ARHGAP32: variants seen among roughly 807,000 people sequenced by gnomAD.
The protein encoded by ARHGAP32 is Rho GTPase activating protein 32, also known as rho GTPase-activating protein 32.
In ARHGAP32, 51 loss-of-function variants were observed where a neutral mutation model predicts 186.5. The ratio of observed to expected loss-of-function variants is 0.27; its 90% CI spans 0.22 to 0.35. ARHGAP32 has a LOEUF of 0.35. Ranked by LOEUF, ARHGAP32 falls within the 10% of genes least tolerant of loss-of-function variation. The pLI, the probability that ARHGAP32 is intolerant of heterozygous loss-of-function variation, is 1.00. For missense variants in ARHGAP32, 2,186 were observed against 2,623.5 expected (o/e 0.83, Z 3.64); for synonymous variants, 950 against 964.3 (o/e 0.99, Z 0.27).
intron 2 of ARHGAP32, among the ~76,000 whole-genome samples, chr11:129,136,255 C>A (rs184369500): frequency 6.6e-6 from 1 of 152,076 alleles, no homozygotes; most frequent in Non-Finnish European, 1.5e-5. Context: ...ATAAGGCCCA[C>A]GTAAGATTCT....
intron 11 of ARHGAP32, among the ~76,000 whole-genome samples, chr11:129,027,356 A>C (rs1938904448): frequency 6.6e-6 from 1 of 152,104 alleles, no homozygotes; most frequent in Non-Finnish European, 1.5e-5. Context: ...GAACCAAACA[A>C]AAACTGCTCA....
chr11:128,998,247 A>G (rs1164896544), intron 12 of ARHGAP32, 72 bp downstream of exon 12: 1 of 1,265,304 alleles, frequency 7.9e-7, no homozygotes, highest in Non-Finnish European at 1.1e-6. Flanking sequence ...AATCTACTCC[A>G]TAATTGGTTA....
intron 6 of ARHGAP32, among the ~76,000 whole-genome samples, chr11:129,074,383 T>C (rs1591591228): frequency 6.6e-6 from 1 of 152,182 alleles, no homozygotes; most frequent in African/African-American, 2.4e-5. Context: ...TTACAAATAA[T>C]TTTTATTACA....
intron 11 of ARHGAP32, among the ~76,000 whole-genome samples, chr11:129,029,755 T>G (rs919613894): frequency 1.7e-5 from 2 of 120,672 alleles, no homozygotes; most frequent in Admixed American, 1.1e-4. Flanking sequence ...TGAGCCGAGA[T>G]CGCACCACTG....
chr11:129,110,982 G>C (rs915620936), intron 5 of ARHGAP32, among the ~76,000 whole-genome samples: 2 of 152,122 alleles, frequency 1.3e-5, no homozygotes, highest in Non-Finnish European at 2.9e-5. Flanking sequence ...GAGTGGAAAA[G>C]TTGGCATCCT....
rs1939499527 is a variant in ARHGAP32, at chr11:129,039,493, T to A, written c.1045+1435A>T. On this transcript the variant is annotated intron_variant, in intron 11 of 22. Coordinates refer to ENST00000682385, the MANE Select transcript of ARHGAP32 (RefSeq NM_001378024.1). ...CACAAAAGACCACACATTATATGAT[T>A]CCATTTATACAAAATGTCCAGAATA... Among the ~76,000 whole-genome samples, 3 of 152,180 alleles carry A rather than the reference T, an allele frequency of 2.0e-5. No homozygotes were observed. In the South Asian group the frequency reaches 6.2e-4, roughly 32 times the overall value.
At chr11:129,081,973 T>C (rs1045111846) in intron 6 of ARHGAP32, among the ~76,000 whole-genome samples, 3 of 151,982 alleles carry the variant, frequency 2.0e-5, no homozygotes, top group East Asian at 1.9e-4. Context: ...AAGCTGAGAA[T>C]ACAATCAAGA....
At chr11:129,077,396 C>T (rs952155340) in intron 6 of ARHGAP32, among the ~76,000 whole-genome samples, 4 of 152,036 alleles carry the variant, frequency 2.6e-5, no homozygotes, top group Admixed American at 6.6e-5. Context: ...AGGCTTGTAG[C>T]CTGGGGCAAG....
intron 8 of ARHGAP32, among the ~76,000 whole-genome samples, chr11:129,064,391 T>A (rs1306368861): frequency 6.6e-6 from 1 of 152,104 alleles, no homozygotes; most frequent in Non-Finnish European, 1.5e-5. Flanking sequence ...CAATTTCCAG[T>A]GGGAGGAGAA....
chr11:129,177,183 A>C (rs1010250858), intron 1 of ARHGAP32, among the ~76,000 whole-genome samples: 18 of 152,102 alleles, frequency 1.2e-4, no homozygotes, highest in East Asian at 3.9e-4. Flanking sequence ...ACTAGAAAAT[A>C]TAGAAGAAAT....
chr11:129,176,515 A>T (rs1861132902), intron 1 of ARHGAP32, among the ~76,000 whole-genome samples: 1 of 143,980 alleles, frequency 6.9e-6, no homozygotes, highest in African/African-American at 2.6e-5. Flanking sequence ...ACCCATTCCA[A>T]AACTGACCAC....
intron 6 of ARHGAP32, among the ~76,000 whole-genome samples, chr11:129,071,189 A>G (rs1417749319): frequency 6.6e-6 from 1 of 152,042 alleles, no homozygotes; most frequent in Non-Finnish European, 1.5e-5. Context: ...TGCTTAAAAG[A>G]TCTCAAAGAG....
chr11:128,994,800 T>C (rs764533027), intron 12 of ARHGAP32, among the ~76,000 whole-genome samples: 1 of 152,208 alleles, frequency 6.6e-6, no homozygotes, highest in Non-Finnish European at 1.5e-5. Flanking sequence ...CAAATGAATA[T>C]CCTTCTTATG....
At chr11:129,257,183 C>T (rs1945265072) in intron 1 of ARHGAP32, among the ~76,000 whole-genome samples, 1 of 152,114 alleles carries the variant, frequency 6.6e-6, no homozygotes, top group African/African-American at 2.4e-5. Context: ...GAACCTCAGA[C>T]AAGTAGGAAA....
At chr11:129,278,477 C>T (rs1307266251) in intron 1 of ARHGAP32, among the ~76,000 whole-genome samples, 1 of 152,206 alleles carries the variant, frequency 6.6e-6, no homozygotes, top group African/African-American at 2.4e-5. Context: ...ATTTTCTCTC[C>T]CTACCGTTTC....
At chr11:129,095,296 AG>A (rs1941699891) in intron 5 of ARHGAP32, among the ~76,000 whole-genome samples, 1 of 152,356 alleles carries the variant, frequency 6.6e-6, no homozygotes, top group East Asian at 1.9e-4. Flanking sequence ...AATCTATGTT[AG>A]ACAGGGTAAG....
At chr11:129,240,497 T>C (rs1945001406) in intron 1 of ARHGAP32, among the ~76,000 whole-genome samples, 1 of 152,182 alleles carries the variant, frequency 6.6e-6, no homozygotes, top group Non-Finnish European at 1.5e-5. Flanking sequence ...AGGTCTTCAA[T>C]AAATTCACAC....
chr11:129,097,827 T>G (rs1387258977), intron 5 of ARHGAP32, among the ~76,000 whole-genome samples: 2 of 151,984 alleles, frequency 1.3e-5, no homozygotes, highest in Non-Finnish European at 2.9e-5. Flanking sequence ...CTCAATGAAC[T>G]CTAAGTAAGA....
intron 1 of ARHGAP32, among the ~76,000 whole-genome samples, chr11:129,225,127 A>T (rs1460393295): frequency 6.6e-6 from 1 of 152,102 alleles, no homozygotes; most frequent in Non-Finnish European, 1.5e-5. Context: ...AAGTATTTTG[A>T]GGCAATTATT....
Sources: allele counts gnomAD v4.1 joint callset (sites outside exome capture counted in the v4.1 genomes callset), GRCh38; gene constraint gnomAD v4.1.1; transcripts MANE v1.5; gene names NCBI Gene and HGNC (gene_info 2026-07-23, HGNC 2026-07-21).